DPP6: variants seen among roughly 807,000 people sequenced by gnomAD.
DPP6 encodes the protein dipeptidyl peptidase like 6.
Under a neutral mutation model 122.6 loss-of-function variants are expected in DPP6, and 69 were observed. The observed-to-expected ratio is 0.56, with a 90% CI of 0.46 to 0.69. DPP6 has a LOEUF of 0.69. DPP6 is among the 30% of genes least tolerant of loss of function. The pLI is 0.00. For missense variants in DPP6, 928 were observed against 1,116.9 expected (o/e 0.83, Z 2.41); for synonymous variants, 418 against 433.1 (o/e 0.97, Z 0.43).
intron 7 of DPP6, among the ~76,000 whole-genome samples, chr7:154,683,404 G>A (rs1451352939): frequency 6.6e-6 from 1 of 152,072 alleles, no homozygotes; most frequent in Non-Finnish European, 1.5e-5. Context: ...CCAAATTCTT[G>A]ACTCCCCTTC....
rs1421158162 is a variant in DPP6, at chr7:154,052,880, G to T, written c.60G>T (p.Ala20=). 10 of 1,533,058 alleles carry T rather than the reference G, an allele frequency of 6.5e-6. No homozygotes were observed. Among genetic ancestry groups the T allele is most frequent in the African/African-American group, 2.8e-5 (2 of 72,064 alleles). The allele number at this position is 1,533,058 out of a possible 1,614,324, so 95.0% of individuals were successfully genotyped here. The part of the protein sequence containing the change: ...GKINTSRSFP[A]PPEASHLLGG... The stretch of plus-strand genomic sequence containing the variant: ...TCAACACCTCGAGGTCCTTCCCCGC[G>T]CCCCCGGAGGCGAGTCACCTCCTGG... Residue 20 remains alanine, a synonymous_variant, in exon 1 of 26, where the codon GCG becomes GCT. Coordinates refer to ENST00000377770, the MANE Select transcript of DPP6 (RefSeq NM_130797.4). This position sits in a 1 kb window ranked among gnomAD's most constrained non-coding sequence, Gnocchi z 4.8.
intron 3 of DPP6, among the ~76,000 whole-genome samples, chr7:154,516,530 T>C (rs922329040): frequency 6.6e-6 from 1 of 152,184 alleles, no homozygotes; most frequent in African/African-American, 2.4e-5. Flanking sequence ...CATGGCTGAT[T>C]CCTACGAAAG....
intron 5 of DPP6, among the ~76,000 whole-genome samples, chr7:154,583,087 C>A (rs1385708377): frequency 6.6e-6 from 1 of 152,220 alleles, no homozygotes; most frequent in African/African-American, 2.4e-5. Flanking sequence ...TGGCCCCCAC[C>A]ACACAGCAAA....
At chr7:153,917,736 A>G (rs927205302) in intron 1 of DPP6, among the ~76,000 whole-genome samples, 1 of 152,314 alleles carries the variant, frequency 6.6e-6, no homozygotes, top group African/African-American at 2.4e-5. Flanking sequence ...CGAAGGGTGG[A>G]TAGGTACCTG....
intron 6 of DPP6, among the ~76,000 whole-genome samples, chr7:154,663,319 A>C (rs1252486477): frequency 3.9e-5 from 2 of 51,092 alleles, no homozygotes; most frequent in African/African-American, 7.7e-5. Context: ...GTGTTCATAG[A>C]GTCATGGTGA....
chr7:154,463,278 A>G (rs1170673109), intron 2 of DPP6, among the ~76,000 whole-genome samples: 3 of 130,966 alleles, frequency 2.3e-5, no homozygotes, highest in Non-Finnish European at 3.1e-5. Context: ...CACGATCTCG[A>G]CTCACTGCAA....
chr7:154,418,413 G>T (rs1166964868), intron 1 of DPP6, among the ~76,000 whole-genome samples: 2 of 152,204 alleles, frequency 1.3e-5, no homozygotes, highest in Non-Finnish European at 2.9e-5. Context: ...TACAGTAGGT[G>T]CTTAATAAAT....
Position 154,481,424 on chromosome 7 carries a change from G to T in DPP6, c.457+6387G>T, listed in dbSNP as rs1408797138. ...CTGGCTAATTTCCATGTCCACTGCA[G>T]TATCTTACATTCACCTCACATCCTC... On this transcript the variant is annotated intron_variant, in intron 3 of 25. Transcript: ENST00000377770. The surrounding 1 kb of genome is among the most constrained non-coding windows in gnomAD (Gnocchi z 4.2). Among the ~76,000 whole-genome samples, 1 of 150,996 alleles carries T rather than the reference G, an allele frequency of 6.6e-6. No homozygotes were observed. The highest frequency in any genetic ancestry group is 1.5e-5 in the Non-Finnish European group (1 of 67,896).
At chr7:154,856,640 C>T (rs999669031) in intron 17 of DPP6, among the ~76,000 whole-genome samples, 1 of 152,180 alleles carries the variant, frequency 6.6e-6, no homozygotes, top group African/African-American at 2.4e-5. Context: ...CACTTCTTTT[C>T]CTCTGTAGGA....
chr7:154,056,539 T>G (rs868611223), intron 1 of DPP6, among the ~76,000 whole-genome samples: 11 of 152,316 alleles, frequency 7.2e-5, no homozygotes, highest in Middle Eastern at 3.4e-3. Context: ...AGTAGTTTTT[T>G]TAAGGTTATA....
chr7:153,850,170 C>A, the DPP6 span, among the ~76,000 whole-genome samples: 4 of 152,132 alleles, frequency 2.6e-5, no homozygotes, highest in South Asian at 2.1e-4. Flanking sequence ...GCTTAGGTGG[C>A]TTTGCTGCTT....
At chr7:154,114,961 T>C (rs1338346751) in intron 1 of DPP6, among the ~76,000 whole-genome samples, 3 of 152,196 alleles carry the variant, frequency 2.0e-5, no homozygotes, top group Non-Finnish European at 2.9e-5. Context: ...GGTAAGAAAC[T>C]ATTCATCGGC....
intron 1 of DPP6, among the ~76,000 whole-genome samples, chr7:154,144,244 A>T (rs1471121231): frequency 6.6e-6 from 1 of 151,882 alleles, no homozygotes; most frequent in African/African-American, 2.4e-5. Context: ...TTTGCAAGTT[A>T]ATAACTTATT....
At chr7:154,543,703 T>C (rs1156377583) in intron 4 of DPP6, among the ~76,000 whole-genome samples, 1 of 152,142 alleles carries the variant, frequency 6.6e-6, no homozygotes, top group Non-Finnish European at 1.5e-5. Context: ...CTTTAGATTG[T>C]TGAGTTCAGA....
chr7:154,879,588 CAAAAA>C (rs778157355), intron 20 of DPP6, among the ~76,000 whole-genome samples: 1 of 41,616 alleles, frequency 2.4e-5, no homozygotes, highest in Non-Finnish European at 3.8e-5. Context: ...GACTCCGTCT[CAAAAA>C]AAAAAAAAAA....
At chr7:154,831,541 C>A (rs1226754562) in intron 16 of DPP6, among the ~76,000 whole-genome samples, 2 of 152,220 alleles carry the variant, frequency 1.3e-5, no homozygotes, top group Non-Finnish European at 2.9e-5. Flanking sequence ...AATTTATTTT[C>A]TCATCCCAGC....
the DPP6 span, among the ~76,000 whole-genome samples, chr7:153,800,523 C>T: frequency 6.6e-6 from 1 of 151,994 alleles, no homozygotes; most frequent in South Asian, 2.1e-4. Flanking sequence ...CTACAGTTAA[C>T]GAAACTTTTT....
intron 1 of DPP6, chr7:154,058,176 C>T (rs1214587049): frequency 4.0e-5 from 6 of 149,510 alleles, no homozygotes; most frequent in East Asian, 2.0e-4. Context: ...GAGGCAATCC[C>T]CGCGAGGCGG....
intron 1 of DPP6, among the ~76,000 whole-genome samples, chr7:154,343,572 CTTGTTTTTGTTTTAGTTT>C (rs1810113991): frequency 1.3e-5 from 2 of 152,274 alleles, no homozygotes; most frequent in Middle Eastern, 3.4e-3. Flanking sequence ...CTTCACTTTT[CTTGTTTTTGTTTTAGTTT>C]TTGTTTTTGA....
Sources: allele counts gnomAD v4.1 joint callset (sites outside exome capture counted in the v4.1 genomes callset), GRCh38; gene constraint gnomAD v4.1.1; non-coding constraint Gnocchi (gnomAD v3.1); transcripts MANE v1.5; gene names NCBI Gene and HGNC (gene_info 2026-07-23, HGNC 2026-07-21).